Variants in IFT27 observed in about 807,000 individuals in gnomAD.
The protein encoded by IFT27 is intraflagellar transport 27.
A neutral mutation model predicts 23.9 loss-of-function variants in IFT27; 19 were observed. The ratio of observed to expected loss-of-function variants is 0.79; its 90% CI spans 0.55 to 1.16. The LOEUF (loss-of-function observed/expected upper bound fraction) is 1.16. Ranked by LOEUF, IFT27 falls within the 50% of genes most tolerant of loss-of-function variation. The probability of loss-of-function intolerance (pLI) is 0.00; values close to 1 mark genes in which losing one functional copy is unlikely to be tolerated. For missense variants in IFT27, 206 were observed against 228.7 expected (o/e 0.90, Z 0.64); for synonymous variants, 91 against 89.1 (o/e 1.02, Z -0.12).
At chr22:36,765,933 T>G (rs1938237228) in intron 4 of IFT27, among the ~76,000 whole-genome samples, 1 of 152,184 alleles carries the variant, frequency 6.6e-6, no homozygotes, top group African/African-American at 2.4e-5. Context: ...ACCCCAGAGC[T>G]GGGGCCCGGG....
intron 6 of IFT27, chr22:36,759,817 G>A (rs943403742): frequency 2.6e-5 from 4 of 152,228 alleles, no homozygotes; most frequent in Non-Finnish European, 4.4e-5. Context: ...CGGGTGAAGC[G>A]GCCCAGCTGG....
chr22:36,775,855 T>C lies in IFT27; in HGVS notation c.-148A>G. ...CAAGGGTCAGTGGCCGCGACGGGAC[T>C]GGGGATGACCGAGCCCGGCCCTTCT... On this transcript the variant is annotated 5_prime_UTR_variant, in exon 1 of 7. Coordinates refer to ENST00000433985, the MANE Select transcript of IFT27 (RefSeq NM_001177701.3). 2 of 374,742 alleles carry C rather than the reference T, an allele frequency of 5.3e-6. No homozygotes were observed. Among genetic ancestry groups the C allele is most frequent in the Non-Finnish European group, 9.2e-6 (2 of 216,916 alleles). 23.2% of individuals were successfully genotyped at this position (374,742 alleles called of 1,614,324 possible).
At chr22:36,760,364 AGACACCACG>A (rs1938055192) in intron 6 of IFT27, 1 of 152,276 alleles carries the variant, frequency 6.6e-6, no homozygotes, top group Non-Finnish European at 1.5e-5. Flanking sequence ...GAGCCTCAAT[AGACACCACG>A]GCGTGCTTCT....
At chr22:36,773,354 C>T (rs534476806) in intron 1 of IFT27, among the ~76,000 whole-genome samples, 38 of 140,648 alleles carry the variant, frequency 2.7e-4, no homozygotes, top group African/African-American at 8.6e-4. Context: ...AGTGAAATTA[C>T]GCCTCAAAAA....
chr22:36,774,974 A>G (rs1002743050), intron 1 of IFT27, among the ~76,000 whole-genome samples: 1 of 152,230 alleles, frequency 6.6e-6, no homozygotes, highest in African/African-American at 2.4e-5. Flanking sequence ...AAATGTGCAG[A>G]CTGATACAAG....
rs1195934499 is a variant in IFT27 at position 36,764,191 on chromosome 22, A to G, written c.235-155T>C. On this transcript the variant is annotated intron_variant, in intron 4 of 6. Coordinates refer to ENST00000433985, the MANE Select transcript of IFT27 (RefSeq NM_001177701.3). ...CCCCCAGATGTCCAACAATTTCCCC[A>G]AAGGAATGAACGGAGGGCCACGTTC... Among the ~76,000 whole-genome samples the G allele has an allele frequency of 2.0e-5, 3 of 152,272 alleles. No individual in the cohort carries two copies. The East Asian group carries it at 5.8e-4, about 29-fold the overall frequency.
At chr22:36,772,056 A>T (rs756478463) in intron 1 of IFT27, among the ~76,000 whole-genome samples, 7 of 152,198 alleles carry the variant, frequency 4.6e-5, no homozygotes, top group Non-Finnish European at 1.0e-4. Flanking sequence ...CCCCTAGACC[A>T]AATTCAAATC....
intron 1 of IFT27, among the ~76,000 whole-genome samples, chr22:36,773,390 G>C (rs1048376631): frequency 6.6e-6 from 1 of 151,744 alleles, no homozygotes; most frequent in Non-Finnish European, 1.5e-5. Context: ...AGTGACTCAC[G>C]CCTGTAATCC....
chr22:36,773,002 C>G (rs1938421081), intron 1 of IFT27, among the ~76,000 whole-genome samples: 1 of 152,154 alleles, frequency 6.6e-6, no homozygotes, highest in Non-Finnish European at 1.5e-5. Context: ...TCAGGAGCCA[C>G]TAACTAGGCA....
chr22:36,775,701 T>G lies in IFT27; in HGVS notation c.7A>C (p.Lys3Gln), dbSNP rs1235384463. Residue 3 changes from lysine (K) to glutamine (Q), a missense_variant, in exon 1 of 7, where the codon AAG becomes CAG. Lys to Gln is a moderately conservative substitution (Grantham distance 53). Coordinates refer to ENST00000433985, the MANE Select transcript of IFT27 (RefSeq NM_001177701.3). MV[K>Q]LAAKCILAGD... is the part of the protein sequence containing the mutation. The stretch of plus-strand genomic sequence containing the variant: ...GCCAGGATGCATTTGGCTGCCAGCT[T>G]CACCATGGTAACCAACACTCCCGCG... The G allele has an allele frequency of 5.0e-6, 8 of 1,613,972 alleles. No homozygotes were observed. Among genetic ancestry groups the G allele is most frequent in the Non-Finnish European group, 6.8e-6 (8 of 1,180,028 alleles).
intron 6 of IFT27, 76 bp from the exon 7 acceptor site, chr22:36,758,485 T>C: frequency 9.2e-7 from 1 of 1,092,696 alleles, no homozygotes; most frequent in Non-Finnish European, 1.4e-6. Context: ...AATGCTTCCC[T>C]CATTCGGGGG....
At chr22:36,773,187 C>T (rs1482898216) in intron 1 of IFT27, among the ~76,000 whole-genome samples, 1 of 151,322 alleles carries the variant, frequency 6.6e-6, no homozygotes, top group Non-Finnish European at 1.5e-5. Context: ...GGTGAAACCC[C>T]ATCTCTACTA....
chr22:36,764,130 G>T, intron 4 of IFT27, 94 bp from the exon 5 acceptor site: 1 of 811,520 alleles, frequency 1.2e-6, no homozygotes, highest in South Asian at 1.5e-5. Context: ...AAAGGGTATG[G>T]GGAGCAGAGG....
chr22:36,767,978 C>T (rs1274360934), intron 1 of IFT27, 116 bp from the exon 2 acceptor site: 1 of 959,702 alleles, frequency 1.0e-6, no homozygotes, highest in South Asian at 1.3e-5. Context: ...GAGAGATGTA[C>T]TTGCCTCTCA....
At chr22:36,766,046 C>T (rs1938239892) in intron 4 of IFT27, 92 bp downstream of exon 4, 1 of 998,652 alleles carries the variant, frequency 1.0e-6, no homozygotes, top group Non-Finnish European at 1.6e-6. Context: ...CCCAACAGCA[C>T]AGTGCAGGGA....
chr22:36,765,178 G>A (rs2145917889), intron 4 of IFT27, among the ~76,000 whole-genome samples: 1 of 152,326 alleles, frequency 6.6e-6, no homozygotes, highest in Non-Finnish European at 1.5e-5. Flanking sequence ...CATGCACGCA[G>A]GAGACACTTC....
At chr22:36,772,676 T>C in intron 1 of IFT27, 1 of 985,400 alleles carries the variant, frequency 1.0e-6, no homozygotes, top group African/African-American at 1.7e-5. Context: ...GCAGGCCCAC[T>C]GCACCTTGCA....
At chr22:36,769,011 T>C (rs1306410398) in intron 1 of IFT27, among the ~76,000 whole-genome samples, 1 of 152,258 alleles carries the variant, frequency 6.6e-6, no homozygotes, top group Non-Finnish European at 1.5e-5. Flanking sequence ...AGTCTGCCAC[T>C]GTTCACTTTT....
At chr22:36,771,149 C>T (rs1938377979) in intron 1 of IFT27, among the ~76,000 whole-genome samples, 2 of 152,190 alleles carry the variant, frequency 1.3e-5, no homozygotes, top group Non-Finnish European at 2.9e-5. Context: ...GAGATCCACA[C>T]CTTGGCTCCC....
Sources: allele counts gnomAD v4.1 joint callset (sites outside exome capture counted in the v4.1 genomes callset), GRCh38; gene constraint gnomAD v4.1.1; transcripts MANE v1.5; gene names NCBI Gene and HGNC (gene_info 2026-07-23, HGNC 2026-07-21).